NCAM2: variants seen among roughly 807,000 people sequenced by gnomAD.
NCAM2 encodes the protein neural cell adhesion molecule 2.
NCAM2 carries 30 observed loss-of-function variants against 98.1 expected under a neutral mutation model. That is an observed-to-expected ratio of 0.31 (90% confidence interval 0.23 to 0.41). NCAM2 has a LOEUF of 0.41. Ranked by LOEUF, NCAM2 falls within the 10% of genes least tolerant of loss-of-function variation. The pLI, the probability that NCAM2 is intolerant of heterozygous loss-of-function variation, is 1.00. For synonymous variants in NCAM2, 368 were observed against 342.4 expected, an observed-to-expected ratio of 1.07 and a Z score of -0.83; for missense variants, 867 against 1,005.8, an observed-to-expected ratio of 0.86 and a Z score of 1.87.
At chr21:21,484,470 C>T (rs763128040) in intron 15 of NCAM2, among the ~76,000 whole-genome samples, 6 of 151,958 alleles carry the variant, frequency 3.9e-5, no homozygotes, top group Non-Finnish European at 8.8e-5. Flanking sequence ...TGCTGTGAAG[C>T]GAATAAAGGC....
intron 9 of NCAM2, among the ~76,000 whole-genome samples, chr21:21,404,876 C>A (rs1158224449): frequency 2.0e-5 from 3 of 150,728 alleles, no homozygotes; most frequent in Non-Finnish European, 4.4e-5. Context: ...TGCTTTTTTA[C>A]AAAAGCAACT....
intron 1 of NCAM2, among the ~76,000 whole-genome samples, chr21:21,010,400 A>G (rs1232092489): frequency 6.6e-6 from 1 of 152,092 alleles, no homozygotes; most frequent in Non-Finnish European, 1.5e-5. Flanking sequence ...TGCTCGTGTT[A>G]TTAAAATAAC....
intron 10 of NCAM2, among the ~76,000 whole-genome samples, chr21:21,417,057 G>T (rs1160607156): frequency 1.3e-5 from 2 of 152,034 alleles, no homozygotes; most frequent in East Asian, 3.9e-4. Flanking sequence ...TTAAGAAATT[G>T]TTCCAATGAA....
chr21:21,403,322 T>C (rs1407681794), intron 9 of NCAM2, among the ~76,000 whole-genome samples: 2 of 152,172 alleles, frequency 1.3e-5, no homozygotes, highest in Non-Finnish European at 2.9e-5. Context: ...TTATTTACTT[T>C]TGCATCTGCC....
At chr21:21,497,862 T>C (rs972047322) in intron 15 of NCAM2, among the ~76,000 whole-genome samples, 1 of 152,152 alleles carries the variant, frequency 6.6e-6, no homozygotes, top group Non-Finnish European at 1.5e-5. Flanking sequence ...ATGTAAAACA[T>C]ATATAAATAA....
intron 1 of NCAM2, among the ~76,000 whole-genome samples, chr21:21,157,837 T>C (rs779761550): frequency 6.6e-6 from 1 of 152,184 alleles, no homozygotes; most frequent in Non-Finnish European, 1.5e-5. Flanking sequence ...TCTTGTTTTA[T>C]TTCTAGCCCA....
chr21:21,067,406 A>C (rs1226446849), intron 1 of NCAM2, among the ~76,000 whole-genome samples: 1 of 152,128 alleles, frequency 6.6e-6, no homozygotes, highest in Non-Finnish European at 1.5e-5. Flanking sequence ...CTACTGACAT[A>C]TATAGACAAA....
intron 9 of NCAM2, among the ~76,000 whole-genome samples, chr21:21,384,614 C>T (rs2076226195): frequency 6.6e-6 from 1 of 151,840 alleles, no homozygotes; most frequent in Admixed American, 6.6e-5. Flanking sequence ...CATATATTTG[C>T]CTAACCTCTT....
chr21:21,360,393 T>C (rs914297695), intron 8 of NCAM2, among the ~76,000 whole-genome samples: 4 of 152,164 alleles, frequency 2.6e-5, no homozygotes, highest in African/African-American at 9.6e-5. Context: ...ATCTATCTCT[T>C]ATGATAGCAT....
chr21:21,462,954 A>G (rs1410092356), intron 12 of NCAM2, among the ~76,000 whole-genome samples: 1 of 152,070 alleles, frequency 6.6e-6, no homozygotes, highest in Non-Finnish European at 1.5e-5. Context: ...CTTTCTCCTA[A>G]TTCTGGAGTT....
chr21:21,521,420 A>G (rs1251771754), intron 16 of NCAM2, among the ~76,000 whole-genome samples: 1 of 152,194 alleles, frequency 6.6e-6, no homozygotes, highest in African/African-American at 2.4e-5. Flanking sequence ...CAAAAAACAC[A>G]GTTTGAAGAG....
At chr21:21,238,134 T>C (rs1037338841) in intron 1 of NCAM2, among the ~76,000 whole-genome samples, 1 of 151,918 alleles carries the variant, frequency 6.6e-6, no homozygotes, top group Non-Finnish European at 1.5e-5. Context: ...TTTTTGTATT[T>C]TTAGTAGAGG....
chr21:21,065,514 T>C (rs530837051), intron 1 of NCAM2, among the ~76,000 whole-genome samples: 13 of 152,178 alleles, frequency 8.5e-5, no homozygotes, highest in African/African-American at 2.9e-4. Flanking sequence ...TGAATACTTT[T>C]TATTCTCCTC....
chr21:21,485,770 G>C lies in NCAM2; in HGVS notation c.2077+8299G>C, dbSNP rs924661282. ...ACATACTTGGTAAATCAAATGATTG[G>C]GTTCTGGACTCTGTGATTCATTCAT... On this transcript the variant is annotated intron_variant, in intron 15 of 17. Transcript: ENST00000400546. Among the ~76,000 whole-genome samples the C allele has an allele frequency of 7.2e-5, 11 of 152,200 alleles. No homozygotes were observed. In the South Asian group the frequency reaches 1.9e-3, roughly 26 times the overall value.
chr21:21,259,122 C>T lies in NCAM2; in HGVS notation c.56-21456C>T, dbSNP rs145147165. 1.7e-3 allele frequency among the ~76,000 whole-genome samples: 259 copies of T among 152,152 alleles called. 2 individuals are homozygous for T. The highest frequency in any genetic ancestry group is 3.0e-3 in the Non-Finnish European group (204 of 67,998). On this transcript the variant is annotated intron_variant, in intron 1 of 17. Transcript: ENST00000400546. ...TCACACTTTTTGCGGTGGCTCCACT[C>T]CCCCTGAAAATGAGGATGTGCAGCT...
At chr21:21,533,638 C>T (rs1392698589) in intron 16 of NCAM2, among the ~76,000 whole-genome samples, 7 of 134,518 alleles carry the variant, frequency 5.2e-5, no homozygotes, top group African/African-American at 1.5e-4. Flanking sequence ...AAGTCCCCAA[C>T]CCTTCTTTAG....
chr21:21,532,949 T>C (rs1484429767), intron 16 of NCAM2, among the ~76,000 whole-genome samples: 2 of 152,108 alleles, frequency 1.3e-5, no homozygotes, highest in Admixed American at 1.3e-4. Context: ...TAAAAAAGTT[T>C]ATTCACTTCT....
At chr21:21,463,278 CT>C (rs906946860) in intron 12 of NCAM2, among the ~76,000 whole-genome samples, 1 of 152,062 alleles carries the variant, frequency 6.6e-6, no homozygotes, top group African/African-American at 2.4e-5. Flanking sequence ...TCCTCCAAAT[CT>C]TTTCCCTCTC....
chr21:21,004,147 A>G (rs2064069505), intron 1 of NCAM2, among the ~76,000 whole-genome samples: 1 of 152,210 alleles, frequency 6.6e-6, no homozygotes, highest in African/African-American at 2.4e-5. Flanking sequence ...AAACTTGTTC[A>G]TAGATTTTAT....
Sources: gnomAD v4.1 joint callset for allele counts (sites outside exome capture counted in the v4.1 genomes callset) on GRCh38, gnomAD v4.1.1 for gene constraint, MANE v1.5 for transcripts, NCBI Gene and HGNC (gene_info 2026-07-23, HGNC 2026-07-21) for gene names.